FAM184B: variants seen among roughly 807,000 people sequenced by gnomAD.
FAM184B encodes the protein protein FAM184B.
In FAM184B, 111 loss-of-function variants were observed where a neutral mutation model predicts 135.9. That is an observed-to-expected ratio of 0.82 (90% CI 0.70 to 0.96). The LOEUF is 0.96. Ranked by LOEUF, FAM184B falls within the 40% of genes least tolerant of loss-of-function variation. The pLI is 0.00. For synonymous variants in FAM184B, 552 were observed against 524.8 expected (o/e 1.05, Z -0.71); for missense variants, 1,375 against 1,323.9 (o/e 1.04, Z -0.60).
chr4:17,634,355 GCT>G (rs1715060378), intron 16 of FAM184B, among the ~76,000 whole-genome samples: 1 of 152,114 alleles, frequency 6.6e-6, no homozygotes, highest in Admixed American at 6.6e-5. Context: ...ATGTAGCCTT[GCT>G]CTGTCACCCA....
At chr4:17,688,586 TAC>T (rs1716646580) in intron 6 of FAM184B, 55 bp from the exon 7 acceptor site, 1 of 1,306,018 alleles carries the variant, frequency 7.7e-7, no homozygotes. Flanking sequence ...ACCTCCTCGA[TAC>T]AGTCATTCAT....
intron 1 of FAM184B, among the ~76,000 whole-genome samples, chr4:17,779,507 T>G (rs1718993895): frequency 6.6e-6 from 1 of 152,228 alleles, no homozygotes; most frequent in Non-Finnish European, 1.5e-5. Context: ...TGGCACATAA[T>G]AGGTGTGCCA....
intron 5 of FAM184B, among the ~76,000 whole-genome samples, chr4:17,696,334 A>G (rs1269325696): frequency 6.6e-6 from 1 of 152,212 alleles, no homozygotes; most frequent in Non-Finnish European, 1.5e-5. Flanking sequence ...TGACTGTGTG[A>G]GTACAGAGGT....
rs1280481682 is a variant in FAM184B, at chr4:17,781,274, A to C, written c.26T>G (p.Ile9Ser). The C allele has an allele frequency of 6.5e-7, 1 of 1,549,812 alleles. No individual in the cohort carries two copies. The highest frequency in any genetic ancestry group is 2.0e-5 in the Admixed American group (1 of 50,762). MASALNSK[I>S]NPPGTCQGSK... ...GCCCTGGCAAGTGCCGGGCGGGTTA[A>C]TTTTGCTGTTGAGAGCAGAAGCCAT... is the stretch of plus-strand genomic sequence containing the variant. The change falls in exon 1 of 18, where the codon ATT becomes AGT. Residue 9 changes from isoleucine to serine, a missense_variant. Ile to Ser is a moderately radical substitution (Grantham distance 142). Coordinates refer to ENST00000265018, the MANE Select transcript of FAM184B (RefSeq NM_015688.2). This position sits in a 1 kb window ranked among gnomAD's most constrained non-coding sequence, Gnocchi z 6.5.
At chr4:17,640,683 C>A (rs1391042311) in intron 13 of FAM184B, among the ~76,000 whole-genome samples, 1 of 152,110 alleles carries the variant, frequency 6.6e-6, no homozygotes, top group African/African-American at 2.4e-5. Flanking sequence ...TAGACGAATT[C>A]TTTGAAAGAT....
At chr4:17,767,391 TGAAAA>T (rs1718724209) in intron 1 of FAM184B, among the ~76,000 whole-genome samples, 1 of 152,094 alleles carries the variant, frequency 6.6e-6, no homozygotes, top group Admixed American at 6.5e-5. Context: ...TAAATGGACA[TGAAAA>T]GAAAGTTTTG....
At chr4:17,636,786 G>C (rs750977610) in intron 14 of FAM184B, 141 bp from the exon 15 acceptor site, 34 of 668,872 alleles carry the variant, frequency 5.1e-5, no homozygotes, top group Non-Finnish European at 7.6e-5. Flanking sequence ...CTTGCCCAGG[G>C]CCCCCTGGGG....
chr4:17,632,006 C>G lies in FAM184B; in HGVS notation c.*526G>C, dbSNP rs1006129312. 2 of 143,722 alleles carry G rather than the reference C, an allele frequency of 1.4e-5. No homozygotes were observed. Among genetic ancestry groups the G allele is most frequent in the African/African-American group, 5.2e-5 (2 of 38,446 alleles). 8.9% of individuals were successfully genotyped at this position (143,722 alleles called of 1,614,324 possible). A position where few individuals can be genotyped will look rare whatever the true frequency, so the allele number is the denominator to read the frequency against. On this transcript the variant is annotated 3_prime_UTR_variant, in exon 18 of 18. Coordinates refer to ENST00000265018, the MANE Select transcript of FAM184B (RefSeq NM_015688.2). The stretch of plus-strand genomic sequence containing the variant: ...TCATTAGTAACGCTAATAACATTTT[C>G]CTATAGATGACTTTTAATAACACTG...
chr4:17,664,680 G>C, intron 7 of FAM184B, 21 bp from the exon 8 acceptor site: 130 of 1,075,972 alleles, frequency 1.2e-4, no homozygotes, highest in Middle Eastern at 2.3e-4. Context: ...AAAAGAAAAA[G>C]AAAAAAAAAA....
At chr4:17,700,325 T>C (rs1313353910) in intron 5 of FAM184B, among the ~76,000 whole-genome samples, 1 of 152,026 alleles carries the variant, frequency 6.6e-6, no homozygotes, top group African/African-American at 2.4e-5. Flanking sequence ...AAGGACAGAT[T>C]AAAATAGACC....
rs1348393245 is a variant in FAM184B, at chr4:17,709,473, C to A, written c.313G>T (p.Glu105Ter). The change falls in exon 2 of 18, where the codon GAG becomes TAG. Residue 105 changes from glutamate (E) to a stop codon, truncating the protein, a stop_gained. Coordinates refer to ENST00000265018, the MANE Select transcript of FAM184B (RefSeq NM_015688.2). LOFTEE classifies it high-confidence loss of function. ...EALLQRIQAL[E>*]SALELQKRLT... Reference sequence around the variant, plus strand: ...CTCTTTTGCAGCTCCAGGGCGCTCTCCAGGGCCTGGATGCGCTGTAGAAGG... The same window carrying A: ...CTCTTTTGCAGCTCCAGGGCGCTCTACAGGGCCTGGATGCGCTGTAGAAGG... 1 of 1,543,422 alleles carries A rather than the reference C, an allele frequency of 6.5e-7. No individual in the cohort carries two copies. Among genetic ancestry groups the A allele is most frequent in the South Asian group, 1.2e-5 (1 of 83,186 alleles).
chr4:17,679,724 G>A (rs541883784), intron 7 of FAM184B, among the ~76,000 whole-genome samples: 3 of 152,080 alleles, frequency 2.0e-5, no homozygotes, highest in African/African-American at 2.4e-5. Context: ...ACTTGCACAC[G>A]CATGTTTATA....
intron 7 of FAM184B, among the ~76,000 whole-genome samples, chr4:17,673,249 A>G (rs1439295395): frequency 6.6e-6 from 1 of 152,138 alleles, no homozygotes; most frequent in Non-Finnish European, 1.5e-5. Flanking sequence ...TCCTGCAAGA[A>G]TGGCCATTAA....
intron 1 of FAM184B, among the ~76,000 whole-genome samples, chr4:17,775,651 G>A (rs919359820): frequency 2.6e-5 from 4 of 152,164 alleles, no homozygotes; most frequent in Admixed American, 6.5e-5. Context: ...TCCAATCTAG[G>A]ACAGGCACTG....
At position 17,708,663 on chromosome 4, in the gene FAM184B, CTATATATA is replaced by C. The variant is rs60087211; in HGVS notation, c.894+221_894+228del. ...CCGTCTCAAAAATAAGGAAACAAAA[CTATATATA>C]TATATATATATATATATATATATAT... On this transcript the variant is annotated intron_variant, in intron 2 of 17. Transcript: ENST00000265018. Among the ~76,000 whole-genome samples the C allele has an allele frequency of 5.7e-3, 96 of 16,988 alleles. 2 individuals are homozygous for C. Among genetic ancestry groups the C allele is most frequent in the South Asian group, 0.018 (6 of 342 alleles). 11.1% of individuals were successfully genotyped at this position (16,988 alleles called of 152,430 possible).
intron 1 of FAM184B, among the ~76,000 whole-genome samples, chr4:17,765,088 T>C (rs1718630006): frequency 6.6e-6 from 1 of 152,268 alleles, no homozygotes. Flanking sequence ...AAAGTAATTC[T>C]GCCATTGTCC....
At chr4:17,656,246 G>A (rs968591946) in intron 10 of FAM184B, among the ~76,000 whole-genome samples, 3 of 152,112 alleles carry the variant, frequency 2.0e-5, no homozygotes, top group Non-Finnish European at 2.9e-5. Flanking sequence ...ACCCAGCAGT[G>A]AATACACCTG....
In FAM184B at chr4:17,709,238, G is replaced by C; in HGVS notation, c.548C>G (p.Thr183Ser). 6.5e-7 allele frequency: 1 copy of C among 1,546,978 alleles called. No individual in the cohort carries two copies. The highest frequency in any genetic ancestry group is 8.7e-7 in the Non-Finnish European group (1 of 1,144,832). Residue 183 changes from threonine to serine, a missense_variant, in exon 2 of 18, where the codon ACC (threonine) becomes AGC (serine). Physicochemically the swap from Thr to Ser is moderately conservative, Grantham distance 58. Coordinates refer to ENST00000265018, the MANE Select transcript of FAM184B (RefSeq NM_015688.2). ...QGRLPQESPE[T>S]KSEPGQGPEM... Reference sequence around the variant, plus strand: ...CGGGCCCTGGCCTGGCTCCGACTTGGTTTCAGGGCTCTCCTGGGGCAGCCG... The same window carrying C: ...CGGGCCCTGGCCTGGCTCCGACTTGCTTTCAGGGCTCTCCTGGGGCAGCCG...
At chr4:17,647,823 G>A (rs1357200472) in intron 11 of FAM184B, 32 bp from the exon 12 acceptor site, 8 of 1,541,076 alleles carry the variant, frequency 5.2e-6, no homozygotes, top group African/African-American at 4.1e-5. Context: ...TGAGTTAGGC[G>A]TTGGGTCTAG....
Sources: allele counts gnomAD v4.1 joint callset (sites outside exome capture counted in the v4.1 genomes callset), GRCh38; gene constraint gnomAD v4.1.1; non-coding constraint Gnocchi (gnomAD v3.1); transcripts MANE v1.5; gene names NCBI Gene and HGNC (gene_info 2026-07-23, HGNC 2026-07-21).